The following ERMAP variants were observed in gnomAD, a reference collection of about 807,000 sequenced individuals.
The protein encoded by ERMAP is erythroblast membrane associated protein (Scianna blood group), also known as erythroid membrane-associated protein.
ERMAP carries 34 observed loss-of-function variants against 49.5 expected under a neutral mutation model. The observed-to-expected ratio is 0.69, with a 90% confidence interval of 0.52 to 0.91. The LOEUF is 0.91. ERMAP is among the 40% of genes least tolerant of loss of function. ERMAP has a pLI of 0.00. For synonymous variants in ERMAP, 214 were observed against 232.2 expected (o/e 0.92, Z 0.71); for missense variants, 541 against 582.6 (o/e 0.93, Z 0.74).
At chr1:42,817,374 G>A (rs920272276) in intron 1 of ERMAP, 121 bp downstream of exon 1, 7 of 560,450 alleles carry the variant, frequency 1.2e-5, no homozygotes, top group Admixed American at 6.3e-5. Context: ...GCTTCCGCCC[G>A]CAGGAGCGGC....
intron 1 of ERMAP, among the ~76,000 whole-genome samples, chr1:42,823,638 T>C (rs1464147673): frequency 1.3e-5 from 2 of 152,236 alleles, no homozygotes; most frequent in East Asian, 1.9e-4. Context: ...TGGTGCTCCA[T>C]GAGTCAAGCG....
In ERMAP at chr1:42,842,609, G is replaced by A. The variant is rs1041635745; in HGVS notation, c.805G>A (p.Val269Ile). Residue 269 changes from valine (V) to isoleucine (I), a missense_variant, in exon 12 of 12, where the codon GTA (valine) becomes ATA (isoleucine). Val to Ile is a conservative substitution (Grantham distance 29). Coordinates refer to ENST00000372517, the MANE Select transcript of ERMAP (RefSeq NM_001017922.2). ...CVRLGDRRQPVPDNPQRFDFV... is the reference protein window; with the variant it reads ...CVRLGDRRQPIPDNPQRFDFV... ...AAGGCTTGGAGACAGACGGCAGCCTGTACCTGACAACCCCCAGAGATTTGA... is the reference window on the plus strand; with the variant it reads ...AAGGCTTGGAGACAGACGGCAGCCTATACCTGACAACCCCCAGAGATTTGA... 2 of 1,614,056 alleles carry A rather than the reference G, an allele frequency of 1.2e-6. No individual in the cohort carries two copies. The highest frequency in any genetic ancestry group is 1.7e-6 in the Non-Finnish European group (2 of 1,180,040).
At position 42,819,206 on chromosome 1, in the gene ERMAP, T is replaced by TGC. The variant is rs3048761; in HGVS notation, c.-122+1962_-122+1963dup. Among the ~76,000 whole-genome samples the TGC allele has an allele frequency of 9.3e-4, 76 of 81,802 alleles. No individual in the cohort carries two copies. The South Asian group carries it at 0.028, about 30-fold the overall frequency. 53.7% of individuals were successfully genotyped at this position (81,802 alleles called of 152,430 possible). On this transcript the variant is annotated intron_variant, in intron 1 of 11. Transcript: ENST00000372517. The surrounding 1 kb of genome is among the most constrained non-coding windows in gnomAD (Gnocchi z 5.1). ...GTGTGTGTGTGTGTGTGTGTGTGTG[T>TGC]GCGCGCGCGCAAGAGAGGGACCGAG... is the stretch of plus-strand genomic sequence containing the variant.
chr1:42,828,671 T>C (rs1654626728), intron 2 of ERMAP, among the ~76,000 whole-genome samples: 1 of 152,050 alleles, frequency 6.6e-6, no homozygotes, highest in Non-Finnish European at 1.5e-5. Flanking sequence ...AATTTTCTTT[T>C]ATTTTTTGTA....
rs114193579 is a variant in ERMAP, at chr1:42,828,965, G to A, written c.-5-1479G>A. Reference sequence around the variant, plus strand: ...CTTCAGAGTCACTAGAAAGTTGAGGGGTTTTGGGATTAGGGATAACGCCAG... The same window carrying A: ...CTTCAGAGTCACTAGAAAGTTGAGGAGTTTTGGGATTAGGGATAACGCCAG... On this transcript the variant is annotated intron_variant, in intron 2 of 11. Coordinates refer to ENST00000372517, the MANE Select transcript of ERMAP (RefSeq NM_001017922.2). 6.1e-3 allele frequency among the ~76,000 whole-genome samples: 924 copies of A among 152,210 alleles called. 9 individuals are homozygous for A. Among genetic ancestry groups the A allele is most frequent in the African/African-American group, 0.021 (878 of 41,516 alleles).
chr1:42,832,072 A>T (rs1654757365), intron 4 of ERMAP, among the ~76,000 whole-genome samples: 1 of 152,134 alleles, frequency 6.6e-6, no homozygotes, highest in Non-Finnish European at 1.5e-5. Flanking sequence ...TCTTTTGGTC[A>T]TAATTTGAAG....
intron 7 of ERMAP, 107 bp downstream of exon 7, chr1:42,837,297 A>G: frequency 1.7e-6 from 2 of 1,160,266 alleles, no homozygotes; most frequent in South Asian, 1.4e-5. Flanking sequence ...AATACTGTAC[A>G]CACATGCACA....
Position 42,844,263 on chromosome 1 carries a change from G to C in ERMAP, c.*1031G>C, listed in dbSNP as rs1655151171. On this transcript the variant is annotated 3_prime_UTR_variant, in exon 12 of 12. Coordinates refer to ENST00000372517, the MANE Select transcript of ERMAP (RefSeq NM_001017922.2). The surrounding 1 kb of genome is among the most constrained non-coding windows in gnomAD (Gnocchi z 4.0). Reference sequence around the variant, plus strand: ...GGTGTGAGGATGAAATAATGACCTTGATTTTTGGGTGTGTATTGCAGAAGC... The same window carrying C: ...GGTGTGAGGATGAAATAATGACCTTCATTTTTGGGTGTGTATTGCAGAAGC... The C allele has an allele frequency of 5.0e-6, 2 of 396,808 alleles. No homozygotes were observed. Among genetic ancestry groups the C allele is most frequent in the African/African-American group, 2.1e-5 (1 of 48,580 alleles). The allele number at this position is 396,808 out of a possible 1,614,324, so 24.6% of individuals were successfully genotyped here.
rs374844500 is a variant in ERMAP at position 42,819,763 on chromosome 1, CTT to C, written c.-122+2521_-122+2522del. ...TGTGAACCAGGTCATTTACCAGTGTCTTTTTTTTTTTTCTTGGCAGCATCCCT... is the reference window on the plus strand; with the variant it reads ...TGTGAACCAGGTCATTTACCAGTGTCTTTTTTTTTTCTTGGCAGCATCCCT... On this transcript the variant is annotated intron_variant, in intron 1 of 11. Transcript: ENST00000372517. The surrounding 1 kb of genome is among the most constrained non-coding windows in gnomAD (Gnocchi z 5.1). 2.1e-5 allele frequency among the ~76,000 whole-genome samples: 3 copies of C among 145,338 alleles called. No individual in the cohort carries two copies. Among genetic ancestry groups the C allele is most frequent in the Non-Finnish European group, 3.0e-5 (2 of 65,844 alleles).
intron 11 of ERMAP, 97 bp from the exon 12 acceptor site, chr1:42,842,420 G>A: frequency 9.2e-7 from 1 of 1,089,674 alleles, no homozygotes; most frequent in Non-Finnish European, 1.3e-6. Context: ...GCTAATGACA[G>A]TGATGGCAGA....
intron 1 of ERMAP, among the ~76,000 whole-genome samples, chr1:42,823,950 A>G (rs1054023445): frequency 4.6e-5 from 7 of 152,250 alleles, no homozygotes; most frequent in Non-Finnish European, 7.3e-5. Context: ...AACCTGGATG[A>G]TAGGGCCTCA....
rs1174827634 is a variant in ERMAP, at chr1:42,842,499, G to C, written c.713-18G>C. On this transcript the variant is annotated intron_variant, in intron 11 of 11. Transcript: ENST00000372517. The stretch of plus-strand genomic sequence containing the variant: ...AGACCTATACTTCCAAGCCTCACCT[G>C]TCTGTGTCTCTTTGCAGTGGCAGTG... 2 of 1,602,138 alleles carry C rather than the reference G, an allele frequency of 1.2e-6. No individual in the cohort carries two copies. Among genetic ancestry groups the C allele is most frequent in the East Asian group, 2.2e-5 (1 of 44,800 alleles).
At chr1:42,842,401 C>T (rs767892716) in intron 11 of ERMAP, 116 bp from the exon 12 acceptor site, 72 of 879,000 alleles carry the variant, frequency 8.2e-5, no homozygotes, top group Non-Finnish European at 1.2e-4. Flanking sequence ...AATCCATGAA[C>T]TAAAATGGGC....
chr1:42,836,545 A>G (rs976651613), intron 6 of ERMAP, among the ~76,000 whole-genome samples: 1 of 152,130 alleles, frequency 6.6e-6, no homozygotes, highest in Non-Finnish European at 1.5e-5. Context: ...GAATGGGGAT[A>G]TCAGATGTAA....
At chr1:42,827,991 TAAG>T (rs1292677930) in intron 2 of ERMAP, among the ~76,000 whole-genome samples, 1 of 152,038 alleles carries the variant, frequency 6.6e-6, no homozygotes, top group East Asian at 1.9e-4. Flanking sequence ...ATGCAATAAA[TAAG>T]AACTATTATT....
At chr1:42,837,230 A>T in intron 7 of ERMAP, 40 bp downstream of exon 7, 1 of 1,589,822 alleles carries the variant, frequency 6.3e-7, no homozygotes, top group Admixed American at 1.7e-5. Context: ...AACAAAAAAC[A>T]CATTCTTTAT....
chr1:42,826,255 C>G (rs186517493), intron 2 of ERMAP, among the ~76,000 whole-genome samples: 1 of 151,860 alleles, frequency 6.6e-6, no homozygotes, highest in Non-Finnish European at 1.5e-5. Flanking sequence ...GATAAACGAG[C>G]AAATTACATA....
rs552666790 is a variant in ERMAP at position 42,838,466 on chromosome 1, A to T, written c.617-435A>T. On this transcript the variant is annotated intron_variant, in intron 7 of 11. Transcript: ENST00000372517. ...TCTTCTGGGACCTCCAATTTGTGAAATTTATAACCTCAGGGGAGTTACTGT... is the reference window on the plus strand; with the variant it reads ...TCTTCTGGGACCTCCAATTTGTGAATTTTATAACCTCAGGGGAGTTACTGT... Among the ~76,000 whole-genome samples the T allele has an allele frequency of 2.0e-5, 3 of 152,364 alleles. No individual in the cohort carries two copies. The East Asian group carries it at 5.8e-4, about 29-fold the overall frequency.
chr1:42,837,792 T>G (rs1301886379), intron 7 of ERMAP: 1 of 152,378 alleles, frequency 6.6e-6, no homozygotes, highest in Non-Finnish European at 1.5e-5. Context: ...GCCACTGAGT[T>G]GGACACCTTG....
Sources: allele counts gnomAD v4.1 joint callset (sites outside exome capture counted in the v4.1 genomes callset), GRCh38; gene constraint gnomAD v4.1.1; non-coding constraint Gnocchi (gnomAD v3.1); transcripts MANE v1.5; gene names NCBI Gene and HGNC (gene_info 2026-07-23, HGNC 2026-07-21).